AP3S1: variants seen among roughly 807,000 people sequenced by gnomAD.
AP3S1 encodes the protein adaptor related protein complex 3 subunit sigma 1, also known as AP-3 complex subunit sigma-1.
A neutral mutation model predicts 21.3 loss-of-function variants in AP3S1; 12 were observed. The observed-to-expected ratio is 0.56, with a 90% confidence interval of 0.36 to 0.91. The LOEUF (loss-of-function observed/expected upper bound fraction) is 0.91, where lower values mean the gene tolerates loss of function less well. AP3S1 is among the 40% of genes least tolerant of loss of function. AP3S1 has a pLI of 0.01. For synonymous variants in AP3S1, 48 were observed against 78.4 expected, an observed-to-expected ratio of 0.61 and a Z score of 2.05; for missense variants, 116 against 225.0, an observed-to-expected ratio of 0.52 and a Z score of 3.10.
chr5:115,845,791 C>T (rs760534581), intron 1 of AP3S1, among the ~76,000 whole-genome samples: 1 of 122,788 alleles, frequency 8.1e-6, no homozygotes, highest in Non-Finnish European at 1.6e-5. Flanking sequence ...GAGCTGAGAT[C>T]GTGCCACTGC....
intron 1 of AP3S1, among the ~76,000 whole-genome samples, chr5:115,850,878 C>G (rs1431605581): frequency 6.6e-6 from 1 of 152,018 alleles, no homozygotes; most frequent in African/African-American, 2.4e-5. Context: ...TTGTTACAAG[C>G]AGGTTTGTGA....
chr5:115,911,521 A>G (rs1752109989), intron 5 of AP3S1, among the ~76,000 whole-genome samples: 1 of 152,094 alleles, frequency 6.6e-6, no homozygotes, highest in Non-Finnish European at 1.5e-5. Flanking sequence ...AAAAATTACA[A>G]AATCCTCCTA....
chr5:115,908,999 A>G (rs1345077712), intron 5 of AP3S1: 5 of 984,514 alleles, frequency 5.1e-6, no homozygotes, highest in Non-Finnish European at 6.0e-6. Context: ...ATGAATGTGC[A>G]TATAGCAACT....
At chr5:115,866,633 C>T (rs370221842) in intron 1 of AP3S1, 37 bp from the exon 2 acceptor site, 3 of 1,408,254 alleles carry the variant, frequency 2.1e-6, no homozygotes, top group African/African-American at 1.4e-5. Context: ...TAAACCTATA[C>T]ACTCCATCCT....
chr5:115,886,022 T>C (rs77828835), intron 3 of AP3S1, among the ~76,000 whole-genome samples: 2 of 152,196 alleles, frequency 1.3e-5, no homozygotes, highest in Admixed American at 1.3e-4. Context: ...TTAGAAATAA[T>C]ATATTATTTG....
chr5:115,868,607 C>T (rs1227630851), intron 2 of AP3S1, among the ~76,000 whole-genome samples: 1 of 151,926 alleles, frequency 6.6e-6, no homozygotes, highest in African/African-American at 2.4e-5. Context: ...GCTGGCCAGG[C>T]GCAGTGGCTC....
chr5:115,881,942 A>G (rs1749331089), intron 3 of AP3S1, among the ~76,000 whole-genome samples: 1 of 151,382 alleles, frequency 6.6e-6, no homozygotes, highest in Non-Finnish European at 1.5e-5. Flanking sequence ...GCTTTATTTC[A>G]TTAAGTTGAG....
chr5:115,852,961 A>G (rs2112786321), intron 1 of AP3S1: 1 of 449,340 alleles, frequency 2.2e-6, no homozygotes. Context: ...CTGTGACCAT[A>G]TATTCTCATT....
chr5:115,902,646 TA>T lies in AP3S1; in HGVS notation c.346-238del, dbSNP rs568337989. On this transcript the variant is annotated intron_variant, in intron 4 of 5. Coordinates refer to ENST00000316788, the MANE Select transcript of AP3S1 (RefSeq NM_001284.4). Reference sequence around the variant, plus strand: ...CCTTGCTTATTCCTTTCAACAGTCCTATGAAGGTAGTACTATTGTTTTTGTT... The same window carrying T: ...CCTTGCTTATTCCTTTCAACAGTCCTTGAAGGTAGTACTATTGTTTTTGTT... 1.3e-4 allele frequency among the ~76,000 whole-genome samples: 20 copies of T among 152,308 alleles called. No homozygotes were observed. The East Asian group carries it at 3.9e-3, about 29-fold the overall frequency.
intron 1 of AP3S1, among the ~76,000 whole-genome samples, chr5:115,858,349 C>T (rs1762938375): frequency 6.6e-6 from 1 of 152,124 alleles, no homozygotes; most frequent in Non-Finnish European, 1.5e-5. Flanking sequence ...TGCTTCATCA[C>T]CTTTTAGTTT....
intron 1 of AP3S1, among the ~76,000 whole-genome samples, chr5:115,863,819 C>G (rs911176052): frequency 6.6e-6 from 1 of 152,050 alleles, no homozygotes; most frequent in Admixed American, 6.5e-5. Context: ...TTAATGCCAG[C>G]AAAGGATGGT....
chr5:115,881,394 G>A (rs910206280), intron 3 of AP3S1, among the ~76,000 whole-genome samples: 5 of 152,130 alleles, frequency 3.3e-5, no homozygotes, highest in African/African-American at 1.2e-4. Flanking sequence ...GGCAGGCCTG[G>A]TGGTGACAAA....
In AP3S1 at chr5:115,870,030, T is replaced by A. The variant is rs767001070; in HGVS notation, c.175T>A (p.Ser59Thr). 1.3e-6 allele frequency: 2 copies of A among 1,598,550 alleles called. No individual in the cohort carries two copies. Residue 59 changes from serine to threonine, a missense_variant, in exon 3 of 6, where the codon TCT (serine) becomes ACT (threonine). This residue lies in a region of AP3S1 where 65 missense variants were observed against 148.2 expected (regional missense o/e 0.44). Transcript: ENST00000316788. The part of the protein sequence containing the change: ...FLEGGLLIGG[S>T]DNKLIYRHYA... The stretch of plus-strand genomic sequence containing the variant: ...TTTGTCATTTAGATTAATTGGAGGA[T>A]CTGACAACAAACTGATTTATAGACA...
intron 1 of AP3S1, among the ~76,000 whole-genome samples, chr5:115,857,762 C>G (rs572907909): frequency 6.6e-6 from 1 of 152,282 alleles, no homozygotes; most frequent in South Asian, 2.1e-4. Context: ...GCTGTCCTCT[C>G]CTCCACAACT....
chr5:115,878,312 TC>T (rs1748916548), intron 3 of AP3S1, among the ~76,000 whole-genome samples: 1 of 152,226 alleles, frequency 6.6e-6, no homozygotes, highest in Non-Finnish European at 1.5e-5. Context: ...TAGGTTTTCT[TC>T]TAGGGTTTTT....
intron 3 of AP3S1, among the ~76,000 whole-genome samples, chr5:115,876,617 C>G (rs1042525652): frequency 6.6e-6 from 1 of 152,242 alleles, no homozygotes; most frequent in Non-Finnish European, 1.5e-5. Context: ...TTCAAATGTC[C>G]TTTTTCTCAT....
chr5:115,846,122 A>G (rs958265704), intron 1 of AP3S1, among the ~76,000 whole-genome samples: 1 of 152,182 alleles, frequency 6.6e-6, no homozygotes, highest in African/African-American at 2.4e-5. Flanking sequence ...CAAACAAAAA[A>G]ATCCCTTCGG....
At chr5:115,852,991 G>C in intron 1 of AP3S1, 1 of 453,484 alleles carries the variant, frequency 2.2e-6, no homozygotes. Context: ...TATATAACTG[G>C]GAGTAAAATT....
chr5:115,857,552 A>G lies in AP3S1; in HGVS notation c.70-9118A>G, dbSNP rs534866798. Reference sequence around the variant, plus strand: ...CTTTTAGTTTGTTTCTTCAAGTTATACGTACATATTGGTTAAAGAATCTAA... The same window carrying G: ...CTTTTAGTTTGTTTCTTCAAGTTATGCGTACATATTGGTTAAAGAATCTAA... On this transcript the variant is annotated intron_variant, in intron 1 of 5. Coordinates refer to ENST00000316788, the MANE Select transcript of AP3S1 (RefSeq NM_001284.4). 8.5e-5 allele frequency among the ~76,000 whole-genome samples: 13 copies of G among 152,330 alleles called. No individual in the cohort carries two copies. In the South Asian group the frequency reaches 2.7e-3, roughly 32 times the overall value.
Sources: allele counts gnomAD v4.1 joint callset (sites outside exome capture counted in the v4.1 genomes callset), GRCh38; gene constraint gnomAD v4.1.1; regional missense constraint gnomAD v4.1.1; transcripts MANE v1.5; gene names NCBI Gene and HGNC (gene_info 2026-07-23, HGNC 2026-07-21).